CSMD3: variants seen among roughly 807,000 people sequenced by gnomAD.
CSMD3 encodes the protein CUB and sushi domain-containing protein 3.
A neutral mutation model predicts 435.2 loss-of-function variants in CSMD3; 177 were observed. The observed-to-expected ratio is 0.41, with a 90% CI of 0.36 to 0.46. The LOEUF is 0.46. CSMD3 is among the 20% of genes least tolerant of loss of function. CSMD3 has a pLI of 0.34. For missense variants in CSMD3, 4,265 were observed against 4,504.6 expected, an observed-to-expected ratio of 0.95 and a Z score of 1.52; for synonymous variants, 1,656 against 1,520.5, an observed-to-expected ratio of 1.09 and a Z score of -2.07.
At chr8:112,911,157 A>G (rs1479982742) in intron 10 of CSMD3, among the ~76,000 whole-genome samples, 1 of 151,830 alleles carries the variant, frequency 6.6e-6, no homozygotes, top group Non-Finnish European at 1.5e-5. Context: ...CTTTTTACCT[A>G]AATTACTGAA....
intron 10 of CSMD3, among the ~76,000 whole-genome samples, chr8:112,860,354 A>AGT (rs953900104): frequency 1.3e-5 from 2 of 151,760 alleles, no homozygotes; most frequent in African/African-American, 2.4e-5. Context: ...TTATCTTGTG[A>AGT]GTGTGTGTGT....
intron 1 of CSMD3, among the ~76,000 whole-genome samples, chr8:113,347,886 A>G (rs2132887819): frequency 6.6e-6 from 1 of 152,248 alleles, no homozygotes; most frequent in East Asian, 1.9e-4. Context: ...TGAGAGCCCA[A>G]AGCTGGGCTA....
intron 1 of CSMD3, among the ~76,000 whole-genome samples, chr8:113,426,681 T>C (rs536028983): frequency 2.0e-4 from 30 of 151,488 alleles, no homozygotes; most frequent in Admixed American, 2.0e-3. Flanking sequence ...TACCTCTCCC[T>C]AAGATCATGA....
rs377513901 is a variant in CSMD3, at chr8:113,234,818, C to G, written c.514+43774G>C. Among the ~76,000 whole-genome samples, 7 of 152,192 alleles carry G rather than the reference C, an allele frequency of 4.6e-5. No homozygotes were observed. The South Asian group carries it at 8.3e-4, about 18-fold the overall frequency. ...GAAAATGTTGACTCCAGTGTGACCTCAAGTTCAGCTAACACGTGTGACGAT... is the reference window on the plus strand; with the variant it reads ...GAAAATGTTGACTCCAGTGTGACCTGAAGTTCAGCTAACACGTGTGACGAT... On this transcript the variant is annotated intron_variant, in intron 3 of 70. Coordinates refer to ENST00000297405, the MANE Select transcript of CSMD3 (RefSeq NM_198123.2).
intron 1 of CSMD3, among the ~76,000 whole-genome samples, chr8:113,345,443 A>G (rs191519733): frequency 6.6e-6 from 1 of 152,248 alleles, no homozygotes; most frequent in African/African-American, 2.4e-5. Flanking sequence ...TGTACATGCT[A>G]AACACTATGT....
At chr8:112,718,929 T>C (rs2076794826) in intron 13 of CSMD3, among the ~76,000 whole-genome samples, 1 of 152,160 alleles carries the variant, frequency 6.6e-6, no homozygotes. Flanking sequence ...AGGTGGAGAT[T>C]AGTATTGAGC....
At chr8:112,990,790 G>A (rs2085428475) in intron 6 of CSMD3, among the ~76,000 whole-genome samples, 2 of 151,768 alleles carry the variant, frequency 1.3e-5, no homozygotes, top group Non-Finnish European at 2.9e-5. Flanking sequence ...CAAGCCATGA[G>A]AACCCATATG....
chr8:112,226,984 T>C (rs1436924717), intron 70 of CSMD3, among the ~76,000 whole-genome samples: 1 of 152,166 alleles, frequency 6.6e-6, no homozygotes, highest in Non-Finnish European at 1.5e-5. Flanking sequence ...GAATGGAAAA[T>C]GCTGCTGCTG....
chr8:112,548,927 T>C (rs1827431489), intron 27 of CSMD3, among the ~76,000 whole-genome samples: 1 of 152,102 alleles, frequency 6.6e-6, no homozygotes, highest in Non-Finnish European at 1.5e-5. Flanking sequence ...ATAACTTTAA[T>C]GTGCCCTACA....
chr8:112,293,673 AATTTT>A (rs1819993793), intron 54 of CSMD3, among the ~76,000 whole-genome samples: 1 of 152,062 alleles, frequency 6.6e-6, no homozygotes, highest in Non-Finnish European at 1.5e-5. Flanking sequence ...TCCCACTATA[AATTTT>A]ACATAGTGCT....
chr8:112,352,617 A>T lies in CSMD3; in HGVS notation c.6137-83T>A, dbSNP rs897311732. On this transcript the variant is annotated intron_variant, in intron 38 of 70. Transcript: ENST00000297405. ...ATGCATATTAAGTTGCTAAAATTGA[A>T]TATCAGTGTCTCATCAAACTAGATA... 2.5e-6 allele frequency: 3 copies of T among 1,203,674 alleles called. No individual in the cohort carries two copies. The African/African-American group carries it at 4.5e-5, about 18-fold the overall frequency. The allele number at this position is 1,203,674 out of a possible 1,614,324, so 74.6% of individuals were successfully genotyped here.
At chr8:112,645,088 T>A (rs1332020394) in intron 20 of CSMD3, 21 bp downstream of exon 20, 1 of 1,131,950 alleles carries the variant, frequency 8.8e-7, no homozygotes, top group Admixed American at 1.7e-5. Context: ...AGTCCAATTA[T>A]TATTTCATGA....
At chr8:113,064,220 T>C (rs1361541964) in intron 5 of CSMD3, among the ~76,000 whole-genome samples, 1 of 151,942 alleles carries the variant, frequency 6.6e-6, no homozygotes, top group Non-Finnish European at 1.5e-5. Context: ...TTTGTGTTTA[T>C]TCTCAAACAT....
chr8:112,676,847 C>T (rs1409559480), intron 16 of CSMD3, among the ~76,000 whole-genome samples: 1 of 152,022 alleles, frequency 6.6e-6, no homozygotes, highest in East Asian at 1.9e-4. Context: ...CATCTCATGG[C>T]CTGGTATCCC....
chr8:112,544,020 C>T (rs1372026453), intron 27 of CSMD3, among the ~76,000 whole-genome samples: 1 of 151,986 alleles, frequency 6.6e-6, no homozygotes, highest in Non-Finnish European at 1.5e-5. Context: ...CTAAAATAGC[C>T]AAATTAATAG....
chr8:112,813,069 T>C (rs1277896762), intron 12 of CSMD3, among the ~76,000 whole-genome samples: 1 of 152,106 alleles, frequency 6.6e-6, no homozygotes, highest in Non-Finnish European at 1.5e-5. Context: ...CATAGAGACA[T>C]CTAAGTGTTA....
chr8:112,630,171 C>A (rs2074474492), intron 22 of CSMD3, among the ~76,000 whole-genome samples: 1 of 152,066 alleles, frequency 6.6e-6, no homozygotes, highest in Non-Finnish European at 1.5e-5. Flanking sequence ...AGACTCTCAA[C>A]CCACAGAAAC....
At chr8:112,594,077 G>T (rs529919973) in intron 22 of CSMD3, among the ~76,000 whole-genome samples, 5 of 152,132 alleles carry the variant, frequency 3.3e-5, no homozygotes, top group African/African-American at 9.7e-5. Flanking sequence ...CGCAGAACAC[G>T]GGTGATTTCT....
At chr8:112,488,040 T>C (rs1024772034) in intron 31 of CSMD3, among the ~76,000 whole-genome samples, 1 of 152,192 alleles carries the variant, frequency 6.6e-6, no homozygotes, top group Non-Finnish European at 1.5e-5. Context: ...TATTATTTAA[T>C]ATATATGACA....
Sources: gnomAD v4.1 joint callset for allele counts (sites outside exome capture counted in the v4.1 genomes callset) on GRCh38, gnomAD v4.1.1 for gene constraint, MANE v1.5 for transcripts, NCBI Gene and HGNC (gene_info 2026-07-23, HGNC 2026-07-21) for gene names.